Variants in MYO1E observed in about 807,000 individuals in gnomAD.
MYO1E encodes the protein myosin IE, also known as unconventional myosin-Ie.
In MYO1E, 68 loss-of-function variants were observed where a neutral mutation model predicts 151.1. That is an observed-to-expected ratio of 0.45 (90% confidence interval 0.37 to 0.55). MYO1E has a LOEUF of 0.55. MYO1E is among the 20% of genes least tolerant of loss of function. The pLI, the probability that MYO1E is intolerant of heterozygous loss-of-function variation, is 0.00. For missense variants in MYO1E, 1,363 were observed against 1,389.3 expected (o/e 0.98, Z 0.30); for synonymous variants, 601 against 501.7 (o/e 1.20, Z -2.64).
At chr15:59,307,318 G>T (rs2080520353) in intron 1 of MYO1E, among the ~76,000 whole-genome samples, 1 of 152,124 alleles carries the variant, frequency 6.6e-6, no homozygotes, top group Non-Finnish European at 1.5e-5. Context: ...CAACACCCTG[G>T]GCCCGGGGAG....
At chr15:59,347,160 T>C (rs995276140) in intron 1 of MYO1E, among the ~76,000 whole-genome samples, 1 of 152,118 alleles carries the variant, frequency 6.6e-6, no homozygotes, top group Non-Finnish European at 1.5e-5. Flanking sequence ...GAGTGGCTGG[T>C]GAGCAAGCAT....
chr15:59,324,641 G>C (rs142292001), intron 1 of MYO1E, among the ~76,000 whole-genome samples: 1 of 116,416 alleles, frequency 8.6e-6, no homozygotes, highest in Non-Finnish European at 1.8e-5. Context: ...GCTGTGTCTC[G>C]CCGTATTTAT....
chr15:59,366,084 T>C (rs2080911267), intron 1 of MYO1E, among the ~76,000 whole-genome samples: 1 of 152,118 alleles, frequency 6.6e-6, no homozygotes, highest in African/African-American at 2.4e-5. Flanking sequence ...GTTCAAGTGA[T>C]TCTCTCTGCC....
chr15:59,213,705 C>A (rs889861681), intron 12 of MYO1E, among the ~76,000 whole-genome samples: 10 of 152,008 alleles, frequency 6.6e-5, no homozygotes, highest in Non-Finnish European at 1.5e-4. Context: ...AAGCAATTCT[C>A]CCGACTCGGC....
chr15:59,188,271 G>T lies in MYO1E; in HGVS notation c.1806-55C>A, dbSNP rs77386324. On this transcript the variant is annotated intron_variant, in intron 17 of 27. Coordinates refer to ENST00000288235, the MANE Select transcript of MYO1E (RefSeq NM_004998.4). The stretch of plus-strand genomic sequence containing the variant: ...ATTACTGGATAATCCTTTCACTCGT[G>T]TTCTTACCAGCCAACCCCCAAGCCC... The T allele has an allele frequency of 0.021, 29,962 of 1,429,280 alleles. 2,385 individuals carry two copies. In the African/African-American group the frequency reaches 0.23, roughly 11 times the overall value. The allele number at this position is 1,429,280 out of a possible 1,614,324, so 88.5% of individuals were successfully genotyped here.
At chr15:59,363,002 G>GTC (rs1237352969) in intron 1 of MYO1E, among the ~76,000 whole-genome samples, 1 of 145,262 alleles carries the variant, frequency 6.9e-6, no homozygotes, top group African/African-American at 2.6e-5. Context: ...TTGAGACGGA[G>GTC]TCTCGCTGTG....
At chr15:59,167,086 C>A (rs2079567169) in intron 22 of MYO1E, among the ~76,000 whole-genome samples, 1 of 152,130 alleles carries the variant, frequency 6.6e-6, no homozygotes, top group African/African-American at 2.4e-5. Flanking sequence ...AGTCAAGATG[C>A]CAGTAATGCT....
chr15:59,139,850 TCCCTC>T (rs2079399066), intron 26 of MYO1E, among the ~76,000 whole-genome samples: 1 of 151,906 alleles, frequency 6.6e-6, no homozygotes, highest in Non-Finnish European at 1.5e-5. Context: ...TCCACAATCT[TCCCTC>T]CCACCCCCTC....
intron 1 of MYO1E, among the ~76,000 whole-genome samples, chr15:59,344,776 C>T (rs1292099154): frequency 6.6e-6 from 1 of 152,202 alleles, no homozygotes; most frequent in African/African-American, 2.4e-5. Flanking sequence ...GTGTTCTCCA[C>T]CCCACAGGCC....
chr15:59,342,209 A>G (rs1459718928), intron 1 of MYO1E, among the ~76,000 whole-genome samples: 1 of 152,190 alleles, frequency 6.6e-6, no homozygotes, highest in Non-Finnish European at 1.5e-5. Flanking sequence ...TCTTTTGCCC[A>G]TTTTAAAATC....
At chr15:59,266,707 G>A (rs2080256143) in intron 2 of MYO1E, 2 of 144,056 alleles carry the variant, frequency 1.4e-5, no homozygotes, top group Non-Finnish European at 3.0e-5. Flanking sequence ...CTGTCACCCG[G>A]ATGGAGTGCA....
intron 17 of MYO1E, 25 bp from the exon 18 acceptor site, chr15:59,188,241 T>C (rs748082339): frequency 1.3e-6 from 2 of 1,555,456 alleles, no homozygotes; most frequent in Admixed American, 3.3e-5. Context: ...AAATGGGGCC[T>C]GGACATTACT....
intron 15 of MYO1E, among the ~76,000 whole-genome samples, chr15:59,202,827 G>A (rs542477481): frequency 6.6e-6 from 1 of 151,948 alleles, no homozygotes; most frequent in Non-Finnish European, 1.5e-5. Context: ...CTGCAGCCTC[G>A]ACCTCCCAGA....
intron 15 of MYO1E, among the ~76,000 whole-genome samples, 158 bp from the exon 16 acceptor site, chr15:59,202,565 T>C (rs367706526): frequency 5.3e-5 from 8 of 152,144 alleles, no homozygotes. Flanking sequence ...AAGATGTGAC[T>C]TGGGGAAATG....
chr15:59,295,820 G>A (rs1009182113), intron 1 of MYO1E, among the ~76,000 whole-genome samples: 5 of 152,074 alleles, frequency 3.3e-5, no homozygotes, highest in Non-Finnish European at 7.4e-5. Context: ...GCAAATTTCC[G>A]GTCCAGCTCA....
intron 4 of MYO1E, among the ~76,000 whole-genome samples, chr15:59,240,937 C>T (rs1362723815): frequency 7.2e-5 from 11 of 152,228 alleles, no homozygotes; most frequent in Admixed American, 7.2e-4. Flanking sequence ...CAGAGAAGAG[C>T]TCACTCACTG....
At chr15:59,335,551 T>A (rs2080723079) in intron 1 of MYO1E, among the ~76,000 whole-genome samples, 1 of 152,054 alleles carries the variant, frequency 6.6e-6, no homozygotes, top group African/African-American at 2.4e-5. Context: ...TTCACCATTG[T>A]CCCACACATA....
At chr15:59,219,135 T>G (rs1484642886) in intron 9 of MYO1E, among the ~76,000 whole-genome samples, 1 of 152,196 alleles carries the variant, frequency 6.6e-6, no homozygotes, top group Non-Finnish European at 1.5e-5. Flanking sequence ...TGGCAGTCTG[T>G]GGTCTTTGGA....
intron 25 of MYO1E, among the ~76,000 whole-genome samples, chr15:59,155,155 A>C (rs1405605314): frequency 1.3e-5 from 2 of 152,162 alleles, no homozygotes; most frequent in African/African-American, 4.8e-5. Context: ...TCACATGGCC[A>C]GTGATAAAAG....
Sources: gnomAD v4.1 joint callset for allele counts (sites outside exome capture counted in the v4.1 genomes callset) on GRCh38, gnomAD v4.1.1 for gene constraint, MANE v1.5 for transcripts, NCBI Gene and HGNC (gene_info 2026-07-23, HGNC 2026-07-21) for gene names.